Variants in SMAP1 observed in about 807,000 individuals in gnomAD.
SMAP1 encodes stromal membrane-associated protein 1.
Under a neutral mutation model 58.5 loss-of-function variants are expected in SMAP1, and 24 were observed. The observed-to-expected ratio is 0.41, with a 90% CI of 0.30 to 0.58. SMAP1 has a LOEUF of 0.58. Ranked by LOEUF, SMAP1 falls within the 20% of genes least tolerant of loss-of-function variation. The pLI is 0.29. For synonymous variants in SMAP1, 216 were observed against 196.6 expected, an observed-to-expected ratio of 1.10 and a Z score of -0.82; for missense variants, 563 against 566.3, an observed-to-expected ratio of 0.99 and a Z score of 0.06.
Position 70,851,304 on chromosome 6 carries a change from C to T in SMAP1, c.665-1236C>T, listed in dbSNP as rs574651592. ...AAAGATACCAATTTCTCTAGTTGTA[C>T]TTGGAAAAAGACAAGAACTCTCTAA... On this transcript the variant is annotated intron_variant, in intron 7 of 10. Coordinates refer to ENST00000370455, the MANE Select transcript of SMAP1 (RefSeq NM_001044305.3). Among the ~76,000 whole-genome samples, 11 of 152,246 alleles carry T rather than the reference C, an allele frequency of 7.2e-5. 1 individual carries two copies. In the South Asian group the frequency reaches 2.3e-3, roughly 32 times the overall value.
intron 1 of SMAP1, among the ~76,000 whole-genome samples, chr6:70,698,754 T>C (rs1767511362): frequency 8.6e-6 from 1 of 116,446 alleles, no homozygotes. Context: ...TATTTCAATC[T>C]CTTGTTAAAT....
intron 6 of SMAP1, among the ~76,000 whole-genome samples, chr6:70,808,238 T>C (rs76063595): frequency 0.012 from 1,851 of 152,270 alleles, 31 homozygotes; most frequent in African/African-American, 0.042. Context: ...GCTGTACTTA[T>C]TATGTATTCA....
intron 4 of SMAP1, among the ~76,000 whole-genome samples, chr6:70,784,677 AAACCAACAAAGATCAAAAG>A (rs1767923909): frequency 6.6e-6 from 1 of 152,246 alleles, no homozygotes; most frequent in Non-Finnish European, 1.5e-5. Context: ...AACAGACTTC[AAACCAACAAAGATCAAAAG>A]AGACAAAGAA....
intron 1 of SMAP1, among the ~76,000 whole-genome samples, chr6:70,717,425 C>T (rs192533565): frequency 2.0e-5 from 3 of 152,314 alleles, no homozygotes; most frequent in South Asian, 2.1e-4. Flanking sequence ...CTTACACGCA[C>T]GGTCCAACCC....
At chr6:70,836,770 A>G (rs981825043) in intron 6 of SMAP1, among the ~76,000 whole-genome samples, 171 bp from the exon 7 acceptor site, 9 of 152,262 alleles carry the variant, frequency 5.9e-5, no homozygotes, top group South Asian at 2.1e-4. Flanking sequence ...TGCAACTTCA[A>G]CAGTCATGTT....
intron 2 of SMAP1, among the ~76,000 whole-genome samples, chr6:70,748,041 C>T (rs1048204066): frequency 1.3e-5 from 2 of 152,120 alleles, no homozygotes; most frequent in Admixed American, 6.5e-5. Context: ...TTAAATATTT[C>T]CAAAGAGTTC....
chr6:70,759,827 G>A (rs778033606), intron 3 of SMAP1: 43 of 438,822 alleles, frequency 9.8e-5, no homozygotes, highest in Middle Eastern at 6.6e-4. Context: ...GTTCGACACA[G>A]TGAAGATATA....
At chr6:70,730,916 C>T (rs535785745) in intron 1 of SMAP1, among the ~76,000 whole-genome samples, 170 of 152,312 alleles carry the variant, frequency 1.1e-3, no homozygotes, top group African/African-American at 3.9e-3. Flanking sequence ...TCTCTTGCCT[C>T]AGCCTCCTGA....
At chr6:70,799,322 A>G (rs1035779914) in intron 6 of SMAP1, among the ~76,000 whole-genome samples, 7 of 152,174 alleles carry the variant, frequency 4.6e-5, no homozygotes, top group African/African-American at 1.4e-4. Context: ...GGGGGAGGAA[A>G]GGCTGTGAGC....
intron 1 of SMAP1, 69 bp from the exon 2 acceptor site, chr6:70,732,309 T>C: frequency 6.7e-7 from 1 of 1,485,910 alleles, no homozygotes; most frequent in African/African-American, 1.4e-5. Flanking sequence ...AGAATGCTTC[T>C]AATATGCTGT....
At chr6:70,763,885 C>T (rs1766855889) in intron 3 of SMAP1, among the ~76,000 whole-genome samples, 1 of 152,062 alleles carries the variant, frequency 6.6e-6, no homozygotes. Context: ...AAGTTTGAAG[C>T]TAGCATAGGT....
chr6:70,706,751 A>G (rs1186498391), intron 1 of SMAP1, among the ~76,000 whole-genome samples: 1 of 152,192 alleles, frequency 6.6e-6, no homozygotes, highest in Non-Finnish European at 1.5e-5. Flanking sequence ...AGATGCCCAC[A>G]CCATTTTCTG....
At chr6:70,699,929 A>G (rs1365360523) in intron 1 of SMAP1, among the ~76,000 whole-genome samples, 1 of 151,816 alleles carries the variant, frequency 6.6e-6, no homozygotes, top group African/African-American at 2.4e-5. Flanking sequence ...TGTAAGACAA[A>G]GTCCCCGTTA....
intron 1 of SMAP1, among the ~76,000 whole-genome samples, chr6:70,691,318 G>C (rs370306277): frequency 6.6e-6 from 1 of 151,410 alleles, no homozygotes; most frequent in Admixed American, 6.6e-5. Context: ...AATTTTTATG[G>C]GTACATATAA....
intron 1 of SMAP1, among the ~76,000 whole-genome samples, chr6:70,710,548 C>A (rs1490678231): frequency 1.3e-5 from 2 of 148,672 alleles, no homozygotes; most frequent in East Asian, 2.0e-4. Flanking sequence ...AGGGCACTTA[C>A]CATGATTGGA....
chr6:70,701,329 G>A (rs1324815031), intron 1 of SMAP1, among the ~76,000 whole-genome samples: 2 of 151,830 alleles, frequency 1.3e-5, no homozygotes, highest in African/African-American at 2.4e-5. Flanking sequence ...TGATCCACCC[G>A]GCTCTGGATC....
At chr6:70,723,959 T>C (rs1186965776) in intron 1 of SMAP1, among the ~76,000 whole-genome samples, 1 of 152,152 alleles carries the variant, frequency 6.6e-6, no homozygotes, top group Non-Finnish European at 1.5e-5. Flanking sequence ...TCTACACAAT[T>C]TTCTTACCAA....
At chr6:70,848,593 GCT>G (rs1436383960) in intron 7 of SMAP1, among the ~76,000 whole-genome samples, 2 of 152,118 alleles carry the variant, frequency 1.3e-5, no homozygotes, top group East Asian at 3.9e-4. Flanking sequence ...TCTTTTCATT[GCT>G]CTGTGTCCTA....
chr6:70,732,111 C>A (rs1765453037), intron 1 of SMAP1, among the ~76,000 whole-genome samples: 1 of 152,032 alleles, frequency 6.6e-6, no homozygotes, highest in East Asian at 1.9e-4. Flanking sequence ...AGTGAAGAAG[C>A]TGTTTATATA....
Sources: gnomAD v4.1 joint callset for allele counts (sites outside exome capture counted in the v4.1 genomes callset) on GRCh38, gnomAD v4.1.1 for gene constraint, MANE v1.5 for transcripts, NCBI Gene and HGNC (gene_info 2026-07-23, HGNC 2026-07-21) for gene names.